The following C17orf67 variants were observed in gnomAD, a reference collection of about 807,000 sequenced individuals.
The protein encoded by C17orf67 is chromosome 17 open reading frame 67, also known as uncharacterized protein C17orf67.
In C17orf67, 12 loss-of-function variants were observed where a neutral mutation model predicts 11.2. That is an observed-to-expected ratio of 1.07 (90% CI 0.68 to 1.73). C17orf67 has a LOEUF of 1.73. Ranked by LOEUF, C17orf67 falls within the 40% of genes most tolerant of loss-of-function variation. The pLI, the probability that C17orf67 is intolerant of heterozygous loss-of-function variation, is 0.00. For missense variants in C17orf67, 115 were observed against 113.5 expected (o/e 1.01, Z -0.06); for synonymous variants, 59 against 46.9 (o/e 1.26, Z -1.05).
intron 2 of C17orf67, among the ~76,000 whole-genome samples, chr17:56,830,179 T>A (rs1906155506): frequency 6.6e-6 from 1 of 151,392 alleles, no homozygotes; most frequent in African/African-American, 2.4e-5. Context: ...CCGTCTCCAC[T>A]AAAAACACAA....
chr17:56,806,027 T>G (rs1417966719), intron 6 of C17orf67, among the ~76,000 whole-genome samples: 1 of 130,414 alleles, frequency 7.7e-6, no homozygotes, highest in Non-Finnish European at 1.5e-5. Flanking sequence ...CAGGCTGGAG[T>G]GCAGTGGTGT....
At chr17:56,832,870 A>G (rs1906261899) in intron 2 of C17orf67, 28 bp downstream of exon 2, 2 of 152,246 alleles carry the variant, frequency 1.3e-5, no homozygotes, top group South Asian at 4.1e-4. Context: ...ATATATGCAC[A>G]CATAATAATA....
chr17:56,807,034 G>T (rs1905468481), intron 6 of C17orf67, among the ~76,000 whole-genome samples: 1 of 152,244 alleles, frequency 6.6e-6, no homozygotes, highest in African/African-American at 2.4e-5. Flanking sequence ...AGTACAAACA[G>T]TGGTGTGGAG....
In C17orf67 at chr17:56,813,965, C is replaced by A. The variant is rs138136374; in HGVS notation, c.156+904G>T. 7.0e-3 allele frequency among the ~76,000 whole-genome samples: 1,060 copies of A among 152,174 alleles called. 5 individuals are homozygous for A. Among genetic ancestry groups the A allele is most frequent in the Middle Eastern group, 0.027 (8 of 292 alleles). On this transcript the variant is annotated intron_variant, in intron 6 of 7. Transcript: ENST00000397861. ...CAGGGAGATTCAAACCCAGTCTGAC[C>A]CCAAAGTCAGCACTCTTCGTCACTG...
At chr17:56,803,138 T>C (rs1905364470) in intron 6 of C17orf67, among the ~76,000 whole-genome samples, 1 of 152,248 alleles carries the variant, frequency 6.6e-6, no homozygotes, top group Non-Finnish European at 1.5e-5. Flanking sequence ...GCAGTACTTC[T>C]GCTGTATGAC....
chr17:56,810,458 CT>C (rs1488815649), intron 6 of C17orf67, among the ~76,000 whole-genome samples: 3 of 151,974 alleles, frequency 2.0e-5, no homozygotes. Context: ...ACACACACCC[CT>C]CACACACATT....
chr17:56,793,347 C>T (rs1905153142), intron 7 of C17orf67, among the ~76,000 whole-genome samples: 1 of 152,124 alleles, frequency 6.6e-6, no homozygotes, highest in East Asian at 1.9e-4. Context: ...GCCACCGCTT[C>T]CTTGTCTTTA....
chr17:56,798,378 C>T (rs975052124), intron 6 of C17orf67, among the ~76,000 whole-genome samples: 1 of 152,150 alleles, frequency 6.6e-6, no homozygotes, highest in Non-Finnish European at 1.5e-5. Flanking sequence ...AGAAATATAG[C>T]ATTCCCATAT....
intron 6 of C17orf67, among the ~76,000 whole-genome samples, chr17:56,804,527 C>T (rs1012156756): frequency 6.6e-6 from 1 of 152,120 alleles, no homozygotes; most frequent in South Asian, 2.1e-4. Flanking sequence ...TCCAAACTGG[C>T]CTTTGAGGTA....
chr17:56,827,158 G>A (rs909290521), intron 2 of C17orf67, among the ~76,000 whole-genome samples: 5 of 152,212 alleles, frequency 3.3e-5, no homozygotes, highest in Non-Finnish European at 7.3e-5. Flanking sequence ...TCAAAACTGT[G>A]CCAGCTCTCA....
At chr17:56,813,526 C>T (rs914481300) in intron 6 of C17orf67, among the ~76,000 whole-genome samples, 2 of 151,074 alleles carry the variant, frequency 1.3e-5, no homozygotes, top group Admixed American at 1.3e-4. Flanking sequence ...TTGTTCTCTA[C>T]TAGATACAAG....
intron 6 of C17orf67, among the ~76,000 whole-genome samples, chr17:56,797,730 CCT>C (rs1284012569): frequency 1.3e-5 from 2 of 152,146 alleles, no homozygotes; most frequent in African/African-American, 4.8e-5. Context: ...CTTTGCATCT[CCT>C]CTCTCAGTTG....
At chr17:56,797,798 C>A (rs1184404837) in intron 6 of C17orf67, among the ~76,000 whole-genome samples, 1 of 152,142 alleles carries the variant, frequency 6.6e-6, no homozygotes, top group Non-Finnish European at 1.5e-5. Context: ...TAGGGCTGGC[C>A]TTCTCCTCCA....
At chr17:56,817,680 C>T (rs538044178) in intron 4 of C17orf67, among the ~76,000 whole-genome samples, 2 of 151,926 alleles carry the variant, frequency 1.3e-5, no homozygotes, top group East Asian at 1.9e-4. Flanking sequence ...GTCTCAAACT[C>T]GCAGGCTCAA....
At chr17:56,812,310 T>C (rs1255684028) in intron 6 of C17orf67, among the ~76,000 whole-genome samples, 1 of 152,024 alleles carries the variant, frequency 6.6e-6, no homozygotes, top group African/African-American at 2.4e-5. Flanking sequence ...CTGTGTAGGG[T>C]GTTTAGCAGC....
intron 6 of C17orf67, among the ~76,000 whole-genome samples, chr17:56,803,099 T>C (rs1443864000): frequency 6.6e-6 from 1 of 152,244 alleles, no homozygotes; most frequent in Admixed American, 6.5e-5. Flanking sequence ...GGTGAAACAG[T>C]ATAGAGTGAC....
At chr17:56,831,386 C>T (rs902362889) in intron 2 of C17orf67, among the ~76,000 whole-genome samples, 7 of 152,112 alleles carry the variant, frequency 4.6e-5, no homozygotes, top group African/African-American at 1.7e-4. Flanking sequence ...TGGCAAAGGA[C>T]GGGCATCTGG....
In C17orf67 at chr17:56,791,959, A is replaced by C. The variant is rs1038814429; in HGVS notation, c.*414T>G. On this transcript the variant is annotated 3_prime_UTR_variant, in exon 8 of 8. Transcript: ENST00000397861. ...TTAGGGCAGAAAAGAAGAGGAAAAA[A>C]ATAGAGGACAAAACAACTCAGCAAC... 6.6e-6 allele frequency: 1 copy of C among 152,174 alleles called. No homozygotes were observed. Among genetic ancestry groups the C allele is most frequent in the Admixed American group, 6.5e-5 (1 of 15,274 alleles). 9.4% of individuals were successfully genotyped at this position (152,174 alleles called of 1,614,324 possible).
intron 6 of C17orf67, among the ~76,000 whole-genome samples, chr17:56,809,689 C>T (rs1409470405): frequency 1.4e-5 from 2 of 144,542 alleles, no homozygotes; most frequent in African/African-American, 5.1e-5. Flanking sequence ...TCACACACAC[C>T]TATTACACAC....
Sources: gnomAD v4.1 joint callset for allele counts (sites outside exome capture counted in the v4.1 genomes callset) on GRCh38, gnomAD v4.1.1 for gene constraint, MANE v1.5 for transcripts, NCBI Gene and HGNC (gene_info 2026-07-23, HGNC 2026-07-21) for gene names.